Variants in EPDR1 observed in about 807,000 individuals in gnomAD.
EPDR1 encodes the protein ependymin related 1.
In EPDR1, 27 loss-of-function variants were observed where a neutral mutation model predicts 23.7. The observed-to-expected ratio is 1.14, with a 90% confidence interval of 0.84 to 1.57. The LOEUF (loss-of-function observed/expected upper bound fraction) is 1.57, where lower values mean the gene tolerates loss of function less well. Among genes scored for constraint, EPDR1 ranks in the 40% most tolerant of loss-of-function variants. The probability of loss-of-function intolerance (pLI) is 0.00; values close to 1 mark genes in which losing one functional copy is unlikely to be tolerated. For synonymous variants in EPDR1, 137 were observed against 118.2 expected (o/e 1.16, Z -1.03); for missense variants, 349 against 290.4 (o/e 1.20, Z -1.47).
At chr7:37,936,821 T>C (rs1786063620) in intron 1 of EPDR1, among the ~76,000 whole-genome samples, 1 of 152,154 alleles carries the variant, frequency 6.6e-6, no homozygotes, top group Non-Finnish European at 1.5e-5. Context: ...AGTGATAGGA[T>C]GATTCAACAT....
chr7:37,926,270 C>G (rs1785807175), intron 1 of EPDR1, among the ~76,000 whole-genome samples: 1 of 152,138 alleles, frequency 6.6e-6, no homozygotes. Context: ...GAGCTTCCCC[C>G]TCGCCTGAAC....
chr7:37,924,288 C>A (rs1341519180), intron 1 of EPDR1, among the ~76,000 whole-genome samples: 1 of 152,158 alleles, frequency 6.6e-6, no homozygotes, highest in Admixed American at 6.5e-5. Flanking sequence ...TGGAGTTTTC[C>A]ATCATGAATA....
chr7:37,929,007 C>T (rs752796215), intron 1 of EPDR1, among the ~76,000 whole-genome samples: 9 of 152,102 alleles, frequency 5.9e-5, no homozygotes, highest in South Asian at 4.2e-4. Context: ...GGATCTGCTC[C>T]CCAGCCTTTT....
intron 1 of EPDR1, among the ~76,000 whole-genome samples, chr7:37,933,621 A>T (rs772245821): frequency 1.1e-4 from 16 of 152,212 alleles, no homozygotes; most frequent in Non-Finnish European, 2.1e-4. Flanking sequence ...ACAGAAAAAC[A>T]CTTGTCTCTT....
At position 37,948,046 on chromosome 7, in the gene EPDR1, C is replaced by T. The variant is rs191007239; in HGVS notation, c.270-794C>T. On this transcript the variant is annotated intron_variant, in intron 1 of 2. Transcript: ENST00000199448. ...CAGCTATGCGCATCAAAGCCCCTTACTCATGACTGCTCGGCAGTGGAGGCA... is the reference window on the plus strand; with the variant it reads ...CAGCTATGCGCATCAAAGCCCCTTATTCATGACTGCTCGGCAGTGGAGGCA... Among the ~76,000 whole-genome samples, 237 of 152,352 alleles carry T rather than the reference C, an allele frequency of 1.6e-3. 1 individual carries two copies. The highest frequency in any genetic ancestry group is 1.9e-3 in the Non-Finnish European group (132 of 68,038).
At chr7:37,946,383 G>A (rs1012905332) in intron 1 of EPDR1, among the ~76,000 whole-genome samples, 12 of 152,042 alleles carry the variant, frequency 7.9e-5, no homozygotes, top group Admixed American at 1.3e-4. Context: ...CCACAACCTC[G>A]CCAGCATCTG....
chr7:37,933,782 C>A (rs1469803203), intron 1 of EPDR1, among the ~76,000 whole-genome samples: 2 of 152,106 alleles, frequency 1.3e-5, no homozygotes, highest in African/African-American at 4.8e-5. Flanking sequence ...TAGATGTTAT[C>A]CATAAAGGAG....
chr7:37,921,863 A>G (rs1785712511), intron 1 of EPDR1, among the ~76,000 whole-genome samples: 1 of 152,066 alleles, frequency 6.6e-6, no homozygotes, highest in Admixed American at 6.5e-5. Flanking sequence ...ATTGTCCCTT[A>G]TATGTTCTTA....
intron 1 of EPDR1, among the ~76,000 whole-genome samples, chr7:37,945,611 C>G (rs59082577): frequency 1.3e-5 from 2 of 152,132 alleles, no homozygotes; most frequent in Non-Finnish European, 2.9e-5. Context: ...TATGTGGTAG[C>G]GCAGTGCATT....
intron 1 of EPDR1, among the ~76,000 whole-genome samples, chr7:37,947,031 A>G: frequency 6.6e-6 from 1 of 152,196 alleles, no homozygotes; most frequent in Admixed American, 6.5e-5. Context: ...CTAAGTGTAC[A>G]ATGTTTATAA....
chr7:37,947,529 G>C (rs929935844), intron 1 of EPDR1, among the ~76,000 whole-genome samples: 4 of 152,202 alleles, frequency 2.6e-5, no homozygotes, highest in Non-Finnish European at 2.9e-5. Flanking sequence ...GGCTTGGGCT[G>C]GAGAGCAAAT....
chr7:37,950,220 T>TATACAGTCAA lies in EPDR1; in HGVS notation c.500_509dup (p.Asp171TyrfsTer26). The TATACAGTCAA allele has an allele frequency of 6.2e-7, 1 of 1,611,736 alleles. No homozygotes were observed. ...TATAGATGAAACCTGGATTGGCATC[T>TATACAGTCAA]ATACAGTCAAGGATTGCTATCCTGT... On this transcript the variant is annotated frameshift_variant, in exon 3 of 3. Coordinates refer to ENST00000199448, the MANE Select transcript of EPDR1 (RefSeq NM_017549.5). LOFTEE classifies it high-confidence loss of function.
At chr7:37,948,326 T>C (rs1159207058) in intron 1 of EPDR1, among the ~76,000 whole-genome samples, 1 of 150,592 alleles carries the variant, frequency 6.6e-6, no homozygotes, top group Non-Finnish European at 1.5e-5. Context: ...CCAGTGAATA[T>C]ACACTTTTGA....
chr7:37,931,279 C>T (rs1278491430), intron 1 of EPDR1, among the ~76,000 whole-genome samples: 1 of 152,002 alleles, frequency 6.6e-6, no homozygotes, highest in Non-Finnish European at 1.5e-5. Flanking sequence ...TTTGGGAGGC[C>T]GAGGCGGGTG....
rs1785676206 is a variant in EPDR1, at chr7:37,920,840, G to T, written c.-100G>T. 1 of 1,610,368 alleles carries T rather than the reference G, an allele frequency of 6.2e-7. No homozygotes were observed. Among genetic ancestry groups the T allele is most frequent in the African/African-American group, 1.3e-5 (1 of 74,830 alleles). On this transcript the variant is annotated 5_prime_UTR_variant, in exon 1 of 3. Transcript: ENST00000199448. The stretch of plus-strand genomic sequence containing the variant: ...CACTTTGGTCCAGACCACACTCCCG[G>T]CACAGTGCGGAAAGAGCCGGCGGGA...
rs781145525 is a variant in EPDR1 at position 37,920,839 on chromosome 7, G to C, written c.-101G>C. Reference sequence around the variant, plus strand: ...GCACTTTGGTCCAGACCACACTCCCGGCACAGTGCGGAAAGAGCCGGCGGG... The same window carrying C: ...GCACTTTGGTCCAGACCACACTCCCCGCACAGTGCGGAAAGAGCCGGCGGG... On this transcript the variant is annotated 5_prime_UTR_variant, in exon 1 of 3. Coordinates refer to ENST00000199448, the MANE Select transcript of EPDR1 (RefSeq NM_017549.5). 3 of 1,610,450 alleles carry C rather than the reference G, an allele frequency of 1.9e-6. No homozygotes were observed. Among genetic ancestry groups the C allele is most frequent in the South Asian group, 1.1e-5 (1 of 90,424 alleles).
At chr7:37,932,496 A>G (rs1046040951) in intron 1 of EPDR1, among the ~76,000 whole-genome samples, 3 of 152,166 alleles carry the variant, frequency 2.0e-5, no homozygotes, top group Non-Finnish European at 4.4e-5. Context: ...TTCCTTTTCA[A>G]TTGTAAACAC....
chr7:37,935,987 T>C, intron 1 of EPDR1, among the ~76,000 whole-genome samples: 1 of 111,510 alleles, frequency 9.0e-6, no homozygotes, highest in Non-Finnish European at 1.8e-5. Flanking sequence ...AACTAGCAAA[T>C]CATGGCATAT....
intron 1 of EPDR1, among the ~76,000 whole-genome samples, chr7:37,932,767 G>T: frequency 6.6e-6 from 1 of 152,054 alleles, no homozygotes; most frequent in East Asian, 1.9e-4. Context: ...TCTTTTTGTG[G>T]TGGTGAAACA....
Sources: allele counts gnomAD v4.1 joint callset (sites outside exome capture counted in the v4.1 genomes callset), GRCh38; gene constraint gnomAD v4.1.1; transcripts MANE v1.5; gene names NCBI Gene and HGNC (gene_info 2026-07-23, HGNC 2026-07-21).